The following RFTN1 variants were observed in gnomAD, a reference collection of about 807,000 sequenced individuals.
RFTN1 encodes the protein raftlin.
In RFTN1, 26 loss-of-function variants were observed where a neutral mutation model predicts 46.5. The ratio of observed to expected loss-of-function variants is 0.56; its 90% CI spans 0.41 to 0.78. The LOEUF (loss-of-function observed/expected upper bound fraction) is 0.78, where lower values mean the gene tolerates loss of function less well. Among genes scored for constraint, RFTN1 ranks in the 30% least tolerant of loss-of-function variants. The pLI, the probability that RFTN1 is intolerant of heterozygous loss-of-function variation, is 0.00. For missense variants in RFTN1, 693 were observed against 718.7 expected (o/e 0.96, Z 0.41); for synonymous variants, 261 against 284.2 (o/e 0.92, Z 0.82).
chr3:16,326,974 A>G (rs2069767010), intron 7 of RFTN1, 98 bp from the exon 8 acceptor site: 1 of 878,824 alleles, frequency 1.1e-6, no homozygotes. Flanking sequence ...CAAAACAGAA[A>G]AGAAGTGGCG....
chr3:16,425,845 C>T lies in RFTN1; in HGVS notation c.332+8006G>A, dbSNP rs189166597. Among the ~76,000 whole-genome samples, 117 of 152,218 alleles carry T rather than the reference C, an allele frequency of 7.7e-4. No individual in the cohort carries two copies. The highest frequency in any genetic ancestry group is 1.3e-3 in the Admixed American group (20 of 15,266). The stretch of plus-strand genomic sequence containing the variant: ...AGGTAGTCTTGGTGATGCTGGACAG[C>T]TCCTCAGGGGGTACGGTGGCAGCCC... On this transcript the variant is annotated intron_variant, in intron 3 of 9. Coordinates refer to ENST00000334133, the MANE Select transcript of RFTN1 (RefSeq NM_015150.2). The surrounding 1 kb of genome is among the most constrained non-coding windows in gnomAD (Gnocchi z 4.3).
At chr3:16,436,898 C>T (rs942662404) in intron 2 of RFTN1, among the ~76,000 whole-genome samples, 3 of 152,168 alleles carry the variant, frequency 2.0e-5, no homozygotes, top group South Asian at 2.1e-4. Context: ...TTTCCTAATT[C>T]GTTTTTCTAA....
chr3:16,358,993 C>T (rs2072650842), intron 6 of RFTN1, among the ~76,000 whole-genome samples: 2 of 139,936 alleles, frequency 1.4e-5, no homozygotes, highest in Admixed American at 7.8e-5. Flanking sequence ...GATAGCACCA[C>T]TGTACTTCAG....
At chr3:16,478,692 G>A (rs1368640450) in intron 2 of RFTN1, among the ~76,000 whole-genome samples, 4 of 152,128 alleles carry the variant, frequency 2.6e-5, no homozygotes, top group Non-Finnish European at 5.9e-5. Flanking sequence ...GCTCCACTGG[G>A]GGAAGATCCA....
Position 16,370,142 on chromosome 3 carries a change from T to C in RFTN1, c.964A>G (p.Met322Val), listed in dbSNP as rs2125361012. The change falls in exon 6 of 10, where the codon ATG becomes GTG. Residue 322 changes from methionine (M) to valine (V), a missense_variant. By Grantham distance (21) the Met-to-Val change is conservative (BLOSUM62 1). Transcript: ENST00000334133. This position sits in a 1 kb window ranked among gnomAD's most constrained non-coding sequence, Gnocchi z 5.5. ...SGLDANWLEH[M>V]SDHFRKGGML... Reference sequence around the variant, plus strand: ...CCTCCTTTCCGGAAGTGGTCGCTCATGTGCTCTAACCAGTTGGCGTCCAAA... The same window carrying C: ...CCTCCTTTCCGGAAGTGGTCGCTCACGTGCTCTAACCAGTTGGCGTCCAAA... The C allele has an allele frequency of 3.1e-6, 5 of 1,614,230 alleles. No individual in the cohort carries two copies. Among genetic ancestry groups the C allele is most frequent in the East Asian group, 2.2e-5 (1 of 44,882 alleles).
chr3:16,494,379 A>T (rs1384566564), intron 1 of RFTN1, among the ~76,000 whole-genome samples: 1 of 152,192 alleles, frequency 6.6e-6, no homozygotes, highest in Non-Finnish European at 1.5e-5. Context: ...TAGACAGGAA[A>T]TTTATATTCA....
chr3:16,459,836 T>C lies in RFTN1; in HGVS notation c.146-25799A>G, dbSNP rs1185926721. Among the ~76,000 whole-genome samples, 2 of 152,126 alleles carry C rather than the reference T, an allele frequency of 1.3e-5. No homozygotes were observed. Among genetic ancestry groups the C allele is most frequent in the Non-Finnish European group, 2.9e-5 (2 of 68,008 alleles). On this transcript the variant is annotated intron_variant, in intron 2 of 9. Coordinates refer to ENST00000334133, the MANE Select transcript of RFTN1 (RefSeq NM_015150.2). This position sits in a 1 kb window ranked among gnomAD's most constrained non-coding sequence, Gnocchi z 4.2. ...TAAATGCTAGAAAAAAAATAAGATT[T>C]ATATACAATAAGTTTTGAGAGAAGT...
chr3:16,340,812 C>T (rs6791860), intron 7 of RFTN1, among the ~76,000 whole-genome samples: 44,561 of 152,016 alleles, frequency 0.29, 7,002 homozygotes, highest in African/African-American at 0.39. Flanking sequence ...AAATTTGTTT[C>T]CGTGGGATAA....
chr3:16,378,233 C>A, intron 4 of RFTN1, 131 bp from the exon 5 acceptor site: 1 of 720,184 alleles, frequency 1.4e-6, no homozygotes, highest in South Asian at 1.9e-5. Context: ...TCCAAGCTGA[C>A]AGGAACTCCA....
rs886369607 is a variant in RFTN1, at chr3:16,442,773, C to A, written c.146-8736G>T. 3.3e-5 allele frequency among the ~76,000 whole-genome samples: 5 copies of A among 152,168 alleles called. 1 individual carries two copies. Among genetic ancestry groups the A allele is most frequent in the Non-Finnish European group, 7.4e-5 (5 of 68,020 alleles). ...ACCCCCCAAACTACAGTTCTACTCT[C>A]TGTTTCTGTGTATTTGATTTTTAGT... On this transcript the variant is annotated intron_variant, in intron 2 of 9. Coordinates refer to ENST00000334133, the MANE Select transcript of RFTN1 (RefSeq NM_015150.2). The surrounding 1 kb of genome is among the most constrained non-coding windows in gnomAD (Gnocchi z 4.1).
chr3:16,358,069 G>T, intron 6 of RFTN1, 22 bp from the exon 7 acceptor site: 1 of 1,310,522 alleles, frequency 7.6e-7, no homozygotes, highest in Non-Finnish European at 1.1e-6. Flanking sequence ...GAAAAAGGCG[G>T]GGGTGGGGGG....
At position 16,452,460 on chromosome 3, in the gene RFTN1, G is replaced by A. The variant is rs571330802; in HGVS notation, c.146-18423C>T. On this transcript the variant is annotated intron_variant, in intron 2 of 9. Transcript: ENST00000334133. This position sits in a 1 kb window ranked among gnomAD's most constrained non-coding sequence, Gnocchi z 6.3. ...TCATGGGTTTATGCCAAAAGATGAC[G>A]CAGAGCTAGTCAGCAGAAACACTGT... is the stretch of plus-strand genomic sequence containing the variant. Among the ~76,000 whole-genome samples, 5 of 152,282 alleles carry A rather than the reference G, an allele frequency of 3.3e-5. No individual in the cohort carries two copies. Among genetic ancestry groups the A allele is most frequent in the Non-Finnish European group, 2.9e-5 (2 of 68,026 alleles).
intron 2 of RFTN1, among the ~76,000 whole-genome samples, chr3:16,456,473 T>G (rs1575319444): frequency 6.6e-6 from 1 of 152,192 alleles, no homozygotes; most frequent in Non-Finnish European, 1.5e-5. Flanking sequence ...CTCATTCAAC[T>G]TCTTACACAT....
At chr3:16,339,133 A>G (rs1299149903) in intron 7 of RFTN1, among the ~76,000 whole-genome samples, 3 of 152,222 alleles carry the variant, frequency 2.0e-5, no homozygotes, top group East Asian at 3.8e-4. Flanking sequence ...TGGGTAAGAC[A>G]TGGGATTTCT....
intron 4 of RFTN1, among the ~76,000 whole-genome samples, chr3:16,399,403 T>C (rs1432588956): frequency 1.3e-5 from 2 of 152,322 alleles, no homozygotes; most frequent in South Asian, 4.1e-4. Flanking sequence ...AAAAATATGC[T>C]TCTGTGGAGG....
intron 1 of RFTN1, among the ~76,000 whole-genome samples, chr3:16,502,399 A>G (rs1372841061): frequency 6.6e-6 from 1 of 151,006 alleles, no homozygotes; most frequent in Non-Finnish European, 1.5e-5. Flanking sequence ...AAAAAAAAAA[A>G]GAAAGAAAGA....
Position 16,491,704 on chromosome 3 carries a change from A to G in RFTN1, c.145+2021T>C, listed in dbSNP as rs1324063600. ...TGTGTTTGTGAAGGTTCTTAGGAGCAAAGTTACTCTTCGTCATAATGAAAA... is the reference window on the plus strand; with the variant it reads ...TGTGTTTGTGAAGGTTCTTAGGAGCGAAGTTACTCTTCGTCATAATGAAAA... On this transcript the variant is annotated intron_variant, in intron 2 of 9. Transcript: ENST00000334133. 4.6e-5 allele frequency among the ~76,000 whole-genome samples: 7 copies of G among 152,254 alleles called. 1 individual carries two copies. Among genetic ancestry groups the G allele is most frequent in the African/African-American group, 1.7e-4 (7 of 41,532 alleles).
rs200115045 is a variant in RFTN1, at chr3:16,337,772, CTCATT to C, written c.1147-10901_1147-10897del. On this transcript the variant is annotated intron_variant, in intron 7 of 9. Transcript: ENST00000334133. The surrounding 1 kb of genome is among the most constrained non-coding windows in gnomAD (Gnocchi z 5.0). Reference sequence around the variant, plus strand: ...AAAAAAAAAAAGAAAAGAAAGTCACCTCATTTGATTTGAGAGAAATACAATGATAT... The same window carrying C: ...AAAAAAAAAAAGAAAAGAAAGTCACCTGATTTGAGAGAAATACAATGATAT... Among the ~76,000 whole-genome samples, 20 of 152,052 alleles carry C rather than the reference CTCATT, an allele frequency of 1.3e-4. No homozygotes were observed. In the East Asian group the frequency reaches 3.5e-3, roughly 26 times the overall value.
chr3:16,369,869 T>C (rs562326899), intron 6 of RFTN1, among the ~76,000 whole-genome samples: 1 of 152,342 alleles, frequency 6.6e-6, no homozygotes, highest in Non-Finnish European at 1.5e-5. Flanking sequence ...AGAAGATACC[T>C]GGCTGACTCG....
Sources: allele counts gnomAD v4.1 joint callset (sites outside exome capture counted in the v4.1 genomes callset), GRCh38; gene constraint gnomAD v4.1.1; non-coding constraint Gnocchi (gnomAD v3.1); transcripts MANE v1.5; gene names NCBI Gene and HGNC (gene_info 2026-07-23, HGNC 2026-07-21).